The following RREB1 variants were observed in gnomAD, a reference collection of about 807,000 sequenced individuals.
The protein encoded by RREB1 is ras responsive element binding protein 1.
A neutral mutation model predicts 117.8 loss-of-function variants in RREB1; 27 were observed. The observed-to-expected ratio is 0.23, with a 90% confidence interval of 0.17 to 0.32. The LOEUF is 0.32. RREB1 is among the 10% of genes least tolerant of loss of function. RREB1 has a pLI of 1.00. For missense variants in RREB1, 2,577 were observed against 2,378.2 expected (o/e 1.08, Z -1.74); for synonymous variants, 1,298 against 1,026.7 (o/e 1.26, Z -5.05).
At chr6:7,136,357 T>TC (rs1380428496) in intron 1 of RREB1, among the ~76,000 whole-genome samples, 1 of 152,212 alleles carries the variant, frequency 6.6e-6, no homozygotes, top group African/African-American at 2.4e-5. Context: ...GGCTAGGATT[T>TC]CTCCCCCCTT....
At chr6:7,115,431 C>A (rs954908214) in intron 1 of RREB1, among the ~76,000 whole-genome samples, 1 of 134,934 alleles carries the variant, frequency 7.4e-6, no homozygotes, top group Admixed American at 8.8e-5. Flanking sequence ...AGACAGAGAT[C>A]GAATTCCAGA....
rs373140794 is a variant in RREB1 at position 7,240,570 on chromosome 6, A to G, written c.3941A>G (p.Lys1314Arg). ...AGAAACGGGCTTATCCCCCAGTCAA[A>G]AGAGAGTGATGTTGGATCCCATGAT... Reference protein sequence around the residue: ...LRRNGLIPQSKESDVGSHDST... With the variant: ...LRRNGLIPQSRESDVGSHDST... The change falls in exon 11 of 13, where the codon AAA (lysine) becomes AGA (arginine). Residue 1314 changes from lysine to arginine, a missense_variant. By Grantham distance (26) the Lys-to-Arg change is conservative (BLOSUM62 2). Coordinates refer to ENST00000379938, the MANE Select transcript of RREB1 (RefSeq NM_001003699.4). The G allele has an allele frequency of 3.7e-6, 6 of 1,613,696 alleles. No homozygotes were observed. The African/African-American group carries it at 5.3e-5, about 14-fold the overall frequency.
chr6:7,118,477 T>G lies in RREB1; in HGVS notation c.-285+10417T>G, dbSNP rs185782428. Among the ~76,000 whole-genome samples the G allele has an allele frequency of 7.9e-5, 12 of 152,304 alleles. No homozygotes were observed. In the East Asian group the frequency reaches 2.1e-3, roughly 27 times the overall value. Reference sequence around the variant, plus strand: ...CTTTGCTTTAGGAATTTTAAATGTTTTGGAGGATAATTTTATAAAACTAGT... The same window carrying G: ...CTTTGCTTTAGGAATTTTAAATGTTGTGGAGGATAATTTTATAAAACTAGT... On this transcript the variant is annotated intron_variant, in intron 1 of 12. Transcript: ENST00000379938.
intron 6 of RREB1, among the ~76,000 whole-genome samples, chr6:7,196,960 A>G (rs1428828634): frequency 6.6e-6 from 1 of 152,094 alleles, no homozygotes; most frequent in Non-Finnish European, 1.5e-5. Context: ...ACTTCCCAGA[A>G]CTCTTTATCA....
rs1277963030 is a variant in RREB1, at chr6:7,248,862, G to T, written c.5123G>T (p.Ser1708Ile). Residue 1708 changes from serine (S) to isoleucine (I), a missense_variant, in exon 13 of 13, where the codon AGC becomes ATC. Physicochemically the swap from Ser to Ile is moderately radical, Grantham distance 142 (BLOSUM62 -2). Coordinates refer to ENST00000379938, the MANE Select transcript of RREB1 (RefSeq NM_001003699.4). ...GGCCAGGGTGACCTTAACCCAGAGA[G>T]CCCGGCGGCCCTGGGGCAGGACCTG... ...EPGQGDLNPE[S>I]PAALGQDLLE... The T allele has an allele frequency of 4.4e-6, 7 of 1,600,626 alleles. No individual in the cohort carries two copies. The highest frequency in any genetic ancestry group is 6.0e-6 in the Non-Finnish European group (7 of 1,174,190).
chr6:7,230,879 C>T lies in RREB1; in HGVS notation c.2780C>T (p.Pro927Leu). The T allele has an allele frequency of 1.2e-6, 2 of 1,614,200 alleles. No homozygotes were observed. Among genetic ancestry groups the T allele is most frequent in the Non-Finnish European group, 1.7e-6 (2 of 1,180,030 alleles). Reference protein sequence around the residue: ...ISFLSPSSLVPYDCSMEPIDL... With the variant: ...ISFLSPSSLVLYDCSMEPIDL... ...TTTCTGAGCCCTTCTTCCCTGGTCC[C>T]CTATGACTGCTCCATGGAGCCCATC... Residue 927 changes from proline to leucine, a missense_variant, in exon 10 of 13, where the codon CCC becomes CTC. Coordinates refer to ENST00000379938, the MANE Select transcript of RREB1 (RefSeq NM_001003699.4).
chr6:7,181,737 C>T, intron 3 of RREB1, 133 bp from the exon 4 acceptor site: 1 of 736,780 alleles, frequency 1.4e-6, no homozygotes. Context: ...GTGAATGTGG[C>T]CTTTAACTGG....
At chr6:7,219,092 C>CAAAAAAAAAAAAAA (rs57534871) in intron 8 of RREB1, 1 of 40,524 alleles carries the variant, frequency 2.5e-5, no homozygotes, top group Non-Finnish European at 4.1e-5. Flanking sequence ...TACTAAAATA[C>CAAAAAAAAAAAAAA]AAAAAAAAAA....
At chr6:7,204,856 A>T (rs1254976870) in intron 6 of RREB1, among the ~76,000 whole-genome samples, 1 of 152,194 alleles carries the variant, frequency 6.6e-6, no homozygotes, top group African/African-American at 2.4e-5. Context: ...AATGTCTGAG[A>T]CCTGCTCTGA....
intron 11 of RREB1, among the ~76,000 whole-genome samples, chr6:7,244,996 T>G (rs9505094): frequency 5.3e-5 from 8 of 152,208 alleles, no homozygotes; most frequent in Non-Finnish European, 1.0e-4. Flanking sequence ...GCTCAAGGAC[T>G]GCAATCACAT....
chr6:7,249,076 AG>A lies in RREB1; in HGVS notation c.*109del, dbSNP rs1182113751. 7 of 639,478 alleles carry A rather than the reference AG, an allele frequency of 1.1e-5. No individual in the cohort carries two copies. The highest frequency in any genetic ancestry group is 2.0e-5 in the African/African-American group (1 of 49,790). The allele number at this position is 639,478 out of a possible 1,614,324, so 39.6% of individuals were successfully genotyped here. On this transcript the variant is annotated 3_prime_UTR_variant, in exon 13 of 13. Transcript: ENST00000379938. ...CTGTTGAGGAGTGAGAGAGAGAGAG[AG>A]AGAGAGAGAGAGAGAGAGAGAGAGA...
In RREB1 at chr6:7,230,052, G is replaced by A. The variant is rs1767832441; in HGVS notation, c.1953G>A (p.Val651=). Reference sequence around the variant, plus strand: ...ACCCCTGCCGCTTCTGCAACCAGGTGTTTGCCTTCTCGGGGGTCTTGCGTG... The same window carrying A: ...ACCCCTGCCGCTTCTGCAACCAGGTATTTGCCTTCTCGGGGGTCTTGCGTG... ...VLYPCRFCNQ[V]FAFSGVLRAH... Residue 651 remains valine (V), a synonymous_variant, in exon 10 of 13, where the codon GTG becomes GTA. Transcript: ENST00000379938. 1.2e-6 allele frequency: 2 copies of A among 1,609,158 alleles called. No homozygotes were observed. Among genetic ancestry groups the A allele is most frequent in the Admixed American group, 1.7e-5 (1 of 59,654 alleles).
rs1015293332 is a variant in RREB1 at position 7,120,705 on chromosome 6, T to A, written c.-285+12645T>A. 3.3e-5 allele frequency among the ~76,000 whole-genome samples: 5 copies of A among 151,516 alleles called. No homozygotes were observed. In the South Asian group the frequency reaches 1.0e-3, roughly 32 times the overall value. On this transcript the variant is annotated intron_variant, in intron 1 of 12. Transcript: ENST00000379938. Reference sequence around the variant, plus strand: ...TTTTTTTTTTGAGACAAGGCCTCGCTCTGTCAACAGGGTGGAGTGCAGCCT... The same window carrying A: ...TTTTTTTTTTGAGACAAGGCCTCGCACTGTCAACAGGGTGGAGTGCAGCCT...
At chr6:7,233,655 T>C (rs1012480971) in intron 10 of RREB1, among the ~76,000 whole-genome samples, 2 of 152,216 alleles carry the variant, frequency 1.3e-5, no homozygotes, top group Non-Finnish European at 2.9e-5. Context: ...TTTTTCTTTT[T>C]GCGCTAAATA....
chr6:7,229,958 A>G lies in RREB1; in HGVS notation c.1859A>G (p.Glu620Gly), dbSNP rs1268876911. The G allele has an allele frequency of 1.9e-6, 3 of 1,603,256 alleles. No homozygotes were observed. The highest frequency in any genetic ancestry group is 1.7e-6 in the Non-Finnish European group (2 of 1,172,394). ...GCCAAGATCAAGCAGGAGATCACAG[A>G]GGGGGAACTCAAGGCCTTCATGACA... ...MEAKIKQEIT[E>G]GELKAFMTAP... The change falls in exon 10 of 13, where the codon GAG (glutamate) becomes GGG (glycine). Residue 620 changes from glutamate (E) to glycine (G), a missense_variant. By Grantham distance (98) the Glu-to-Gly change is moderately conservative (BLOSUM62 -2). Coordinates refer to ENST00000379938, the MANE Select transcript of RREB1 (RefSeq NM_001003699.4). The surrounding 1 kb of genome is among the most constrained non-coding windows in gnomAD (Gnocchi z 4.5).
intron 1 of RREB1, among the ~76,000 whole-genome samples, chr6:7,161,245 A>G (rs1297768): frequency 1.2e-3 from 185 of 152,156 alleles, no homozygotes; most frequent in African/African-American, 4.1e-3. Flanking sequence ...ACGTCCCTCT[A>G]TTGTTGGTTT....
intron 6 of RREB1, among the ~76,000 whole-genome samples, chr6:7,207,941 G>T (rs1766368854): frequency 6.6e-6 from 1 of 152,158 alleles, no homozygotes; most frequent in East Asian, 1.9e-4. Flanking sequence ...AGTGAAAATG[G>T]AGAAGTCCTT....
At chr6:7,234,402 T>C (rs1768183975) in intron 10 of RREB1, among the ~76,000 whole-genome samples, 1 of 152,170 alleles carries the variant, frequency 6.6e-6, no homozygotes, top group Admixed American at 6.5e-5. Flanking sequence ...CCTCCCCATC[T>C]TCCTCTTCTA....
rs139238211 is a variant in RREB1, at chr6:7,247,148, G to A, written c.4698G>A (p.Lys1566=). The change falls in exon 12 of 13, where the codon AAG becomes AAA. Residue 1566 remains lysine, a synonymous_variant. Coordinates refer to ENST00000379938, the MANE Select transcript of RREB1 (RefSeq NM_001003699.4). The part of the protein sequence containing the change: ...KSVASKADKR[K]KVCSVCNKRF... ...TGGCCAGCAAGGCAGACAAGAGGAA[G>A]AAGGTCTGCAGCGTGTGCAACAAGC... 1,829 of 1,613,974 alleles carry A rather than the reference G, an allele frequency of 1.1e-3. 1 individual carries two copies. Among genetic ancestry groups the A allele is most frequent in the Non-Finnish European group, 1.2e-3 (1,396 of 1,180,024 alleles).
Sources: allele counts gnomAD v4.1 joint callset (sites outside exome capture counted in the v4.1 genomes callset), GRCh38; gene constraint gnomAD v4.1.1; non-coding constraint Gnocchi (gnomAD v3.1); transcripts MANE v1.5; gene names NCBI Gene and HGNC (gene_info 2026-07-23, HGNC 2026-07-21).